The following INSL6 variants were observed in gnomAD, a reference collection of about 807,000 sequenced individuals.
The protein encoded by INSL6 is insulin-like peptide INSL6.
In INSL6, 16 loss-of-function variants were observed where a neutral mutation model predicts 9.4. The ratio of observed to expected loss-of-function variants is 1.70; its 90% CI spans 1.15 to 2.59. INSL6 has a LOEUF of 2.59. Among genes scored for constraint, INSL6 ranks in the 30% most tolerant of loss-of-function variants. The pLI, the probability that INSL6 is intolerant of heterozygous loss-of-function variation, is 0.00. For synonymous variants in INSL6, 154 were observed against 96.9 expected, an observed-to-expected ratio of 1.59 and a Z score of -3.46; for missense variants, 391 against 257.3, an observed-to-expected ratio of 1.52 and a Z score of -3.56.
At chr9:5,170,459 A>C (rs1412676333) in intron 1 of INSL6, among the ~76,000 whole-genome samples, 1 of 152,146 alleles carries the variant, frequency 6.6e-6, no homozygotes, top group Non-Finnish European at 1.5e-5. Context: ...AAGAGCAAAC[A>C]AACCCCAAAA....
chr9:5,033,428 C>A, the INSL6 span, among the ~76,000 whole-genome samples: 1 of 152,078 alleles, frequency 6.6e-6, no homozygotes, highest in South Asian at 2.1e-4. Flanking sequence ...AACTCCAACA[C>A]ACATAATTGT....
At chr9:5,088,031 C>CTTA in the INSL6 span, among the ~76,000 whole-genome samples, 1 of 152,146 alleles carries the variant, frequency 6.6e-6, no homozygotes, top group African/African-American at 2.4e-5. Flanking sequence ...GAAGATAAAA[C>CTTA]TTATTTCCTA....
chr9:5,095,340 A>G, the INSL6 span, among the ~76,000 whole-genome samples: 452 of 152,182 alleles, frequency 3.0e-3, 3 homozygotes, highest in African/African-American at 0.01. Context: ...TAAATATAGT[A>G]GTTCTTACCC....
At chr9:5,157,442 C>A (rs1824837725) in intron 2 of INSL6, among the ~76,000 whole-genome samples, 1 of 151,906 alleles carries the variant, frequency 6.6e-6, no homozygotes, top group South Asian at 2.1e-4. Flanking sequence ...GAAATAAACC[C>A]ACTCATATAT....
the INSL6 span, among the ~76,000 whole-genome samples, chr9:5,104,871 A>G: frequency 6.6e-6 from 1 of 152,234 alleles, no homozygotes; most frequent in South Asian, 2.1e-4. Context: ...CTTCATGCCA[A>G]AAACTCTCAA....
the INSL6 span, among the ~76,000 whole-genome samples, chr9:5,068,176 A>G: frequency 5.2e-4 from 13 of 25,100 alleles, no homozygotes; most frequent in African/African-American, 1.3e-3. Context: ...AACAACAACA[A>G]AAAAAAAAAA....
At chr9:4,992,076 G>A in the INSL6 span, among the ~76,000 whole-genome samples, 1 of 152,154 alleles carries the variant, frequency 6.6e-6, no homozygotes, top group Non-Finnish European at 1.5e-5. Flanking sequence ...CTCCACAATG[G>A]CTACTAGGAC....
chr9:5,105,010 G>A, the INSL6 span, among the ~76,000 whole-genome samples: 12 of 152,198 alleles, frequency 7.9e-5, no homozygotes, highest in African/African-American at 2.7e-4. Context: ...AGACAAGGAT[G>A]CCCTCTGTCA....
chr9:5,050,763 A>T, the INSL6 span: 1 of 1,613,084 alleles, frequency 6.2e-7, no homozygotes, highest in South Asian at 1.1e-5. Flanking sequence ...TTGGGATGGC[A>T]GTGTTAGATA....
At chr9:5,064,271 T>G in the INSL6 span, among the ~76,000 whole-genome samples, 1 of 152,304 alleles carries the variant, frequency 6.6e-6, no homozygotes, top group East Asian at 1.9e-4. Flanking sequence ...GGCTCACGCC[T>G]GTAACCCCAA....
At chr9:5,036,532 T>C in the INSL6 span, among the ~76,000 whole-genome samples, 3 of 151,832 alleles carry the variant, frequency 2.0e-5, no homozygotes, top group African/African-American at 4.8e-5. Context: ...AACAGAGATA[T>C]AGACCAATGG....
At chr9:5,029,791 C>A in the INSL6 span, 1 of 1,609,406 alleles carries the variant, frequency 6.2e-7, no homozygotes, top group Non-Finnish European at 8.5e-7. Context: ...AGGTATCACA[C>A]CTGTGTATCA....
chr9:5,159,851 C>T (rs1228914384), downstream of INSL6, among the ~76,000 whole-genome samples: 1 of 152,188 alleles, frequency 6.6e-6, no homozygotes, highest in Non-Finnish European at 1.5e-5. Context: ...ACATTTCTCT[C>T]CTCAGCATGC....
the INSL6 span, among the ~76,000 whole-genome samples, chr9:5,069,573 T>G: frequency 1.3e-5 from 2 of 152,152 alleles, no homozygotes; most frequent in African/African-American, 4.8e-5. Context: ...AGTTGGAAAT[T>G]CCTTGAAATA....
the INSL6 span, among the ~76,000 whole-genome samples, chr9:5,020,432 T>A: frequency 6.6e-6 from 1 of 152,038 alleles, no homozygotes; most frequent in African/African-American, 2.4e-5. Context: ...AGGTGCTGTT[T>A]GTGGTGGGCA....
At chr9:5,111,807 C>G in the INSL6 span, 4 of 422,042 alleles carry the variant, frequency 9.5e-6, no homozygotes, top group Admixed American at 8.1e-5. Flanking sequence ...CCCGGAGCCA[C>G]GTAGGCGGCG....
the INSL6 span, chr9:5,108,505 T>C: frequency 1.8e-4 from 28 of 152,120 alleles, no homozygotes; most frequent in African/African-American, 6.3e-4. Context: ...AATAATCTTA[T>C]ATGACTAGCA....
chr9:5,093,147 AC>A, the INSL6 span, among the ~76,000 whole-genome samples: 4 of 152,184 alleles, frequency 2.6e-5, no homozygotes, highest in African/African-American at 9.7e-5. Context: ...GACTGGAATA[AC>A]CCACTGACTG....
At chr9:5,077,496 A>G in the INSL6 span, 1 of 1,404,802 alleles carries the variant, frequency 7.1e-7, no homozygotes, top group African/African-American at 1.5e-5. Flanking sequence ...CACTAGATAC[A>G]TATCTGAAAA....
Sources: gnomAD v4.1 joint callset for allele counts (sites outside exome capture counted in the v4.1 genomes callset) on GRCh38, gnomAD v4.1.1 for gene constraint, MANE v1.5 for transcripts, NCBI Gene and HGNC (gene_info 2026-07-23, HGNC 2026-07-21) for gene names.